ATRNL1: variants seen among roughly 807,000 people sequenced by gnomAD.
ATRNL1 encodes attractin like 1.
Under a neutral mutation model 182.7 loss-of-function variants are expected in ATRNL1, and 95 were observed. The observed-to-expected ratio is 0.52, with a 90% CI of 0.44 to 0.62. The LOEUF (loss-of-function observed/expected upper bound fraction) is 0.62. ATRNL1 is among the 20% of genes least tolerant of loss of function. The pLI is 0.00. For synonymous variants in ATRNL1, 576 were observed against 568.3 expected (o/e 1.01, Z -0.19); for missense variants, 1,471 against 1,679.5 (o/e 0.88, Z 2.17).
chr10:115,111,540 A>G (rs984232494), intron 1 of ATRNL1, among the ~76,000 whole-genome samples: 64 of 152,238 alleles, frequency 4.2e-4, no homozygotes, highest in African/African-American at 1.5e-3. Flanking sequence ...CAGGAGAGGA[A>G]GCAAGGGGTG....
chr10:115,725,555 T>A (rs1288512166), intron 26 of ATRNL1, among the ~76,000 whole-genome samples: 2 of 152,086 alleles, frequency 1.3e-5, no homozygotes, highest in African/African-American at 4.8e-5. Context: ...CAAATGGAGA[T>A]AATTGATAAT....
intron 8 of ATRNL1, among the ~76,000 whole-genome samples, chr10:115,195,307 C>T (rs181268827): frequency 1.8e-4 from 27 of 151,962 alleles, no homozygotes; most frequent in Admixed American, 5.3e-4. Context: ...TGATGAAATC[C>T]TTTGGTTTTT....
intron 26 of ATRNL1, among the ~76,000 whole-genome samples, chr10:115,632,879 ATTT>A (rs1337592954): frequency 4.0e-5 from 6 of 148,508 alleles, no homozygotes; most frequent in African/African-American, 1.5e-4. Context: ...ATTTTATTTT[ATTT>A]TATTTTATTT....
intron 27 of ATRNL1, among the ~76,000 whole-genome samples, chr10:115,737,433 C>CT (rs781923408): frequency 8.8e-5 from 13 of 148,140 alleles, no homozygotes; most frequent in Non-Finnish European, 1.5e-5. Context: ...AAGACCCTGT[C>CT]TAAAAAAAAA....
At chr10:115,396,990 TAA>T (rs1777094966) in intron 20 of ATRNL1, among the ~76,000 whole-genome samples, 1 of 151,964 alleles carries the variant, frequency 6.6e-6, no homozygotes, top group African/African-American at 2.4e-5. Context: ...TACTAATTTG[TAA>T]AGAGTATTTT....
intron 26 of ATRNL1, among the ~76,000 whole-genome samples, chr10:115,562,888 A>C (rs1853840986): frequency 2.0e-5 from 3 of 152,210 alleles, no homozygotes; most frequent in Admixed American, 2.0e-4. Context: ...CATTTCTAGA[A>C]ATTGACAAGT....
intron 27 of ATRNL1, among the ~76,000 whole-genome samples, chr10:115,815,780 T>C (rs7914676): frequency 2.0e-4 from 30 of 152,136 alleles, no homozygotes; most frequent in African/African-American, 6.8e-4. Flanking sequence ...TGTGTCTATT[T>C]AGAAAGGCTG....
At chr10:115,387,921 G>A (rs886597396) in intron 19 of ATRNL1, among the ~76,000 whole-genome samples, 8 of 151,834 alleles carry the variant, frequency 5.3e-5, no homozygotes, top group South Asian at 2.1e-4. Flanking sequence ...ATATAGTATC[G>A]TCATCATCAC....
intron 24 of ATRNL1, among the ~76,000 whole-genome samples, chr10:115,508,675 G>C (rs138233407): frequency 1.3e-5 from 2 of 152,076 alleles, no homozygotes; most frequent in Non-Finnish European, 2.9e-5. Context: ...ATTTAGAGTA[G>C]AGCCTAACTT....
At chr10:115,753,495 G>T (rs1404561333) in intron 27 of ATRNL1, among the ~76,000 whole-genome samples, 2 of 152,152 alleles carry the variant, frequency 1.3e-5, no homozygotes, top group East Asian at 3.9e-4. Flanking sequence ...TCCCTGCAAA[G>T]GATGTGAACT....
chr10:115,868,887 T>C (rs1398002744), intron 28 of ATRNL1, among the ~76,000 whole-genome samples: 30 of 123,800 alleles, frequency 2.4e-4, no homozygotes, highest in Middle Eastern at 5.9e-3. Flanking sequence ...TGGAGTGCAG[T>C]GGCGCGATCT....
intron 26 of ATRNL1, among the ~76,000 whole-genome samples, chr10:115,660,469 A>G (rs1223467916): frequency 6.6e-6 from 1 of 152,144 alleles, no homozygotes; most frequent in Non-Finnish European, 1.5e-5. Context: ...GATTGGTAGT[A>G]TGGTTTTAGA....
intron 25 of ATRNL1, among the ~76,000 whole-genome samples, chr10:115,531,691 G>A (rs1554988317): frequency 6.6e-6 from 1 of 151,198 alleles, no homozygotes; most frequent in African/African-American, 2.4e-5. Context: ...TTTTAGACAT[G>A]AAGTCCTTGC....
intron 24 of ATRNL1, among the ~76,000 whole-genome samples, chr10:115,487,854 T>C (rs952432020): frequency 1.5e-4 from 23 of 152,190 alleles, no homozygotes; most frequent in African/African-American, 3.9e-4. Context: ...CAGTATGATA[T>C]TGGCTGTGCA....
At chr10:115,552,812 G>T (rs1332623633) in intron 26 of ATRNL1, among the ~76,000 whole-genome samples, 1 of 151,254 alleles carries the variant, frequency 6.6e-6, no homozygotes, top group African/African-American at 2.4e-5. Context: ...AATTTCTGTG[G>T]TGTTAAAAAG....
chr10:115,715,272 A>C (rs575247585), intron 26 of ATRNL1, among the ~76,000 whole-genome samples: 1 of 152,356 alleles, frequency 6.6e-6, no homozygotes, highest in South Asian at 2.1e-4. Context: ...TGCAGTGGAC[A>C]AAGGATGGTT....
chr10:115,121,544 T>G (rs1396525288), intron 2 of ATRNL1, among the ~76,000 whole-genome samples, 155 bp from the exon 3 acceptor site: 1 of 152,222 alleles, frequency 6.6e-6, no homozygotes, highest in Non-Finnish European at 1.5e-5. Flanking sequence ...GATAAGGATT[T>G]ATAGCAAAAT....
intron 26 of ATRNL1, among the ~76,000 whole-genome samples, chr10:115,647,519 G>A (rs1859708004): frequency 6.6e-6 from 1 of 152,140 alleles, no homozygotes; most frequent in African/African-American, 2.4e-5. Flanking sequence ...GTATCTCATT[G>A]TGGTTTTGAT....
chr10:115,292,206 A>AT (rs1333997338), intron 15 of ATRNL1, among the ~76,000 whole-genome samples: 3 of 151,438 alleles, frequency 2.0e-5, no homozygotes, highest in African/African-American at 7.3e-5. Context: ...TGTCTCCTGA[A>AT]TTTTCACTTC....
Sources: allele counts gnomAD v4.1 joint callset (sites outside exome capture counted in the v4.1 genomes callset), GRCh38; gene constraint gnomAD v4.1.1; transcripts MANE v1.5; gene names NCBI Gene and HGNC (gene_info 2026-07-23, HGNC 2026-07-21).